The following SEPTIN8 variants were observed in gnomAD, a reference collection of about 807,000 sequenced individuals.
SEPTIN8 encodes septin-8.
SEPTIN8 carries 22 observed loss-of-function variants against 53.1 expected under a neutral mutation model. The observed-to-expected ratio is 0.41, with a 90% CI of 0.30 to 0.59. SEPTIN8 has a LOEUF of 0.59. SEPTIN8 is among the 20% of genes least tolerant of loss of function. The pLI is 0.24. For missense variants in SEPTIN8, 536 were observed against 638.7 expected, an observed-to-expected ratio of 0.84 and a Z score of 1.73; for synonymous variants, 228 against 248.4, an observed-to-expected ratio of 0.92 and a Z score of 0.77.
In SEPTIN8 at chr5:132,776,810, C is replaced by CT. The variant is rs1161323132; in HGVS notation, c.30+297dup. On this transcript the variant is annotated intron_variant, in intron 1 of 9. Coordinates refer to ENST00000378719, the MANE Select transcript of SEPTIN8 (RefSeq NM_001098811.2). This position sits in a 1 kb window ranked among gnomAD's most constrained non-coding sequence, Gnocchi z 4.4. ...CACCTGCGGCCCCGCGGGCGCCACT[C>CT]TATCTTCGCACCTGCCCGGAGCCAG... is the stretch of plus-strand genomic sequence containing the variant. 2.6e-5 allele frequency among the ~76,000 whole-genome samples: 4 copies of CT among 152,184 alleles called. No individual in the cohort carries two copies. Among genetic ancestry groups the CT allele is most frequent in the African/African-American group, 9.6e-5 (4 of 41,458 alleles).
Position 132,765,534 on chromosome 5 carries a change from C to A in SEPTIN8, c.31-5G>T. The stretch of plus-strand genomic sequence containing the variant: ...CCGGGGCTCTGGCTCTGCATTCTGC[C>A]AAGAGAGAAATAAAGCAAGACATGA... On this transcript the variant is annotated splice_polypyrimidine_tract_variant and splice_region_variant and intron_variant, in intron 1 of 9. Transcript: ENST00000378719. The A allele has an allele frequency of 1.3e-6, 2 of 1,584,320 alleles. No individual in the cohort carries two copies. The highest frequency in any genetic ancestry group is 1.7e-6 in the Non-Finnish European group (2 of 1,168,470).
At chr5:132,767,854 C>T (rs1341941924) in intron 1 of SEPTIN8, among the ~76,000 whole-genome samples, 1 of 151,714 alleles carries the variant, frequency 6.6e-6, no homozygotes, top group African/African-American at 2.4e-5. Flanking sequence ...TTTATTCATC[C>T]TCTTCTTCCA....
intron 1 of SEPTIN8, among the ~76,000 whole-genome samples, chr5:132,772,322 G>A (rs1203614157): frequency 6.6e-6 from 1 of 152,204 alleles, no homozygotes; most frequent in Non-Finnish European, 1.5e-5. Flanking sequence ...ACTGGTAGCT[G>A]GGCCAGTACT....
rs766752887 is a variant in SEPTIN8 at position 132,761,763 on chromosome 5, G to C, written c.793+37C>G. 5 of 1,591,872 alleles carry C rather than the reference G, an allele frequency of 3.1e-6. No individual in the cohort carries two copies. Among genetic ancestry groups the C allele is most frequent in the Non-Finnish European group, 4.3e-6 (5 of 1,167,754 alleles). ...GCAGCAGGGCAGGCCAGGGAACTCAGTTCTACCCCCAGGATGCATTTCCTG... is the reference window on the plus strand; with the variant it reads ...GCAGCAGGGCAGGCCAGGGAACTCACTTCTACCCCCAGGATGCATTTCCTG... On this transcript the variant is annotated intron_variant, in intron 6 of 9. Coordinates refer to ENST00000378719, the MANE Select transcript of SEPTIN8 (RefSeq NM_001098811.2). This position sits in a 1 kb window ranked among gnomAD's most constrained non-coding sequence, Gnocchi z 5.8.
In SEPTIN8 at chr5:132,752,182, C is replaced by T. The variant is rs1226947663; in HGVS notation, c.1287-1G>A. ...CTGGTGTGCTCCTATATCTGATCTG[C>T]TAAAGAAAGCACAGGTAGACATCAA... On this transcript the variant is annotated splice_acceptor_variant, in intron 9 of 9. Transcript: ENST00000378719. LOFTEE classifies it high-confidence loss of function. The T allele has an allele frequency of 6.3e-7, 1 of 1,577,968 alleles. No individual in the cohort carries two copies. Among genetic ancestry groups the T allele is most frequent in the South Asian group, 1.2e-5 (1 of 86,168 alleles).
chr5:132,779,031 T>C (rs1055270986), upstream of SEPTIN8, among the ~76,000 whole-genome samples: 14 of 152,324 alleles, frequency 9.2e-5, no homozygotes, highest in East Asian at 2.3e-3. Context: ...CATGTACTTC[T>C]TACAGTCCTG....
At chr5:132,765,590 G>C in intron 1 of SEPTIN8, 61 bp from the exon 2 acceptor site, 1 of 1,521,340 alleles carries the variant, frequency 6.6e-7, no homozygotes, top group Admixed American at 2.2e-5. Context: ...CAAGCTGCGG[G>C]GTGGGCGCTA....
At chr5:132,767,943 CCACACACACACACACA>C (rs57640097) in intron 1 of SEPTIN8, among the ~76,000 whole-genome samples, 11 of 127,974 alleles carry the variant, frequency 8.6e-5, no homozygotes, top group Middle Eastern at 3.9e-3. Context: ...TGTCTGGAAA[CCACACACACACACACA>C]CACACACACA....
At chr5:132,767,338 C>T (rs1323333953) in intron 1 of SEPTIN8, among the ~76,000 whole-genome samples, 8 of 152,126 alleles carry the variant, frequency 5.3e-5, no homozygotes, top group African/African-American at 1.4e-4. Context: ...GGTTCCAGCC[C>T]AGCTGGTAAC....
chr5:132,756,690 C>G (rs1755372742), intron 9 of SEPTIN8: 2 of 985,342 alleles, frequency 2.0e-6, no homozygotes, highest in Non-Finnish European at 2.4e-6. Flanking sequence ...GGAGGCAGCT[C>G]AGACCAGAAA....
In SEPTIN8 at chr5:132,752,090, T is replaced by A; in HGVS notation, c.1378A>T (p.Ser460Cys). 6.2e-7 allele frequency: 1 copy of A among 1,602,904 alleles called. No individual in the cohort carries two copies. The highest frequency in any genetic ancestry group is 8.5e-7 in the Non-Finnish European group (1 of 1,174,782). ...CACTGTATGGCGGGCCACCAGCTGC[T>A]GCAGTTCAAGGGCTCCACACTGGCC... ...TKASVEPLNC[S>C]SWWPAIQCCS... Residue 460 changes from serine to cysteine, a missense_variant, in exon 10 of 10, where the codon AGC becomes TGC. By Grantham distance (112) the Ser-to-Cys change is moderately radical. Coordinates refer to ENST00000378719, the MANE Select transcript of SEPTIN8 (RefSeq NM_001098811.2).
rs539128291 is a variant in SEPTIN8 at position 132,772,463 on chromosome 5, C to T, written c.30+4645G>A. 7.9e-5 allele frequency among the ~76,000 whole-genome samples: 12 copies of T among 152,272 alleles called. No homozygotes were observed. The East Asian group carries it at 1.5e-3, about 20-fold the overall frequency. The stretch of plus-strand genomic sequence containing the variant: ...TGGGCTGCAGAATGTACTAGAACTC[C>T]AGGCATTCATATTTTCTTACTTAGC... On this transcript the variant is annotated intron_variant, in intron 1 of 9. Transcript: ENST00000378719.
chr5:132,754,332 GT>G (rs111617452), intron 9 of SEPTIN8: 188 of 704,428 alleles, frequency 2.7e-4, no homozygotes, highest in Middle Eastern at 2.0e-3. Flanking sequence ...AGTGGTGGCC[GT>G]TGAGTGCCCT....
At chr5:132,757,208 T>C (rs1755423653) in intron 9 of SEPTIN8, 1 of 981,738 alleles carries the variant, frequency 1.0e-6, no homozygotes, top group Non-Finnish European at 1.2e-6. Context: ...TTCTAAATAA[T>C]TCAAGCTTTC....
intron 1 of SEPTIN8, among the ~76,000 whole-genome samples, chr5:132,774,938 G>A (rs1757650394): frequency 6.6e-6 from 1 of 152,182 alleles, no homozygotes; most frequent in Non-Finnish European, 1.5e-5. Flanking sequence ...GCCAGGAAGG[G>A]TGAATGGAGT....
chr5:132,757,144 T>C, intron 9 of SEPTIN8: 2 of 975,236 alleles, frequency 2.1e-6, no homozygotes, highest in Non-Finnish European at 2.4e-6. Flanking sequence ...TCAGGGCCCC[T>C]TCCAAGACCC....
chr5:132,750,882 C>G lies in SEPTIN8; in HGVS notation c.*1134G>C. 6.2e-7 allele frequency: 1 copy of G among 1,614,172 alleles called. No homozygotes were observed. Among genetic ancestry groups the G allele is most frequent in the Non-Finnish European group, 8.5e-7 (1 of 1,180,020 alleles). On this transcript the variant is annotated 3_prime_UTR_variant, in exon 10 of 10. Transcript: ENST00000378719. ...TTTATTCCACAAGTAAAAGACTTCA[C>G]AAAGCACTATGGCTCTGACTATTCC...
chr5:132,776,205 G>A lies in SEPTIN8; in HGVS notation c.30+903C>T, dbSNP rs541103035. Among the ~76,000 whole-genome samples, 1 of 151,460 alleles carries A rather than the reference G, an allele frequency of 6.6e-6. No homozygotes were observed. The highest frequency in any genetic ancestry group is 2.1e-4 in the South Asian group (1 of 4,782). On this transcript the variant is annotated intron_variant, in intron 1 of 9. Transcript: ENST00000378719. This position sits in a 1 kb window ranked among gnomAD's most constrained non-coding sequence, Gnocchi z 4.4. ...CCTCCTCCCCCTTCCAGCCGACCAG[G>A]GCCTTACATGCTGGCAAGAGGACAC... is the stretch of plus-strand genomic sequence containing the variant.
chr5:132,768,680 A>G (rs1756878100), intron 1 of SEPTIN8, among the ~76,000 whole-genome samples: 1 of 152,164 alleles, frequency 6.6e-6, no homozygotes, highest in Non-Finnish European at 1.5e-5. Flanking sequence ...CCAGGGTGGG[A>G]GCCCATCAGC....
Sources: gnomAD v4.1 joint callset for allele counts (sites outside exome capture counted in the v4.1 genomes callset) on GRCh38, gnomAD v4.1.1 for gene constraint, Gnocchi (gnomAD v3.1) non-coding constraint, MANE v1.5 for transcripts, NCBI Gene and HGNC (gene_info 2026-07-23, HGNC 2026-07-21) for gene names.